The following RERG variants were observed in gnomAD, a reference collection of about 807,000 sequenced individuals.
The protein encoded by RERG is RAS like estrogen regulated growth inhibitor, also known as ras-related and estrogen-regulated growth inhibitor.
In RERG, 25 loss-of-function variants were observed where a neutral mutation model predicts 23.2. The observed-to-expected ratio is 1.08, with a 90% CI of 0.79 to 1.50. The LOEUF (loss-of-function observed/expected upper bound fraction) is 1.50. RERG is among the 40% of genes most tolerant of loss of function. The pLI is 0.00. For missense variants in RERG, 253 were observed against 250.1 expected (o/e 1.01, Z -0.08); for synonymous variants, 81 against 89.1 (o/e 0.91, Z 0.51).
At chr12:15,120,202 A>T (rs1863805710) in intron 3 of RERG, among the ~76,000 whole-genome samples, 1 of 152,206 alleles carries the variant, frequency 6.6e-6, no homozygotes, top group Non-Finnish European at 1.5e-5. Context: ...TAAGTAAACC[A>T]TAAGATCATT....
At chr12:15,149,942 A>G (rs1270357641) in intron 2 of RERG, among the ~76,000 whole-genome samples, 1 of 152,218 alleles carries the variant, frequency 6.6e-6, no homozygotes, top group Non-Finnish European at 1.5e-5. Context: ...TGGCCTTAGA[A>G]TCCTTCCTTC....
chr12:15,216,429 A>G (rs922007569), intron 2 of RERG, among the ~76,000 whole-genome samples: 1 of 152,236 alleles, frequency 6.6e-6, no homozygotes, highest in Non-Finnish European at 1.5e-5. Context: ...ATTAAACCAG[A>G]CAGCAGGTTA....
At chr12:15,134,893 G>A (rs1389672249) in intron 2 of RERG, among the ~76,000 whole-genome samples, 1 of 152,160 alleles carries the variant, frequency 6.6e-6, no homozygotes, top group Non-Finnish European at 1.5e-5. Flanking sequence ...TTACAGGCAT[G>A]AGTCACCATG....
intron 2 of RERG, among the ~76,000 whole-genome samples, chr12:15,122,306 A>G (rs1863846947): frequency 6.6e-6 from 1 of 152,210 alleles, no homozygotes. Context: ...ATACTCCTTG[A>G]AGAAATAAAA....
At chr12:15,127,793 C>G (rs1343526670) in intron 2 of RERG, among the ~76,000 whole-genome samples, 2 of 152,082 alleles carry the variant, frequency 1.3e-5, no homozygotes, top group Non-Finnish European at 2.9e-5. Flanking sequence ...TTAGCTGTAT[C>G]TTAAATAAAA....
chr12:15,146,732 G>A (rs1864339328), intron 2 of RERG, among the ~76,000 whole-genome samples: 1 of 152,214 alleles, frequency 6.6e-6, no homozygotes, highest in Admixed American at 6.5e-5. Context: ...CCCAGGCACA[G>A]AGCATGGGAC....
At chr12:15,121,324 T>A (rs1008442157) in intron 2 of RERG, among the ~76,000 whole-genome samples, 3 of 152,210 alleles carry the variant, frequency 2.0e-5, no homozygotes, top group African/African-American at 4.8e-5. Context: ...AATATTTGAA[T>A]GGGTTTATTG....
chr12:15,140,776 A>G (rs528313035), intron 2 of RERG, among the ~76,000 whole-genome samples: 1 of 152,022 alleles, frequency 6.6e-6, no homozygotes, highest in East Asian at 1.9e-4. Context: ...TAATTCTTAT[A>G]CTTGCTTCTC....
rs540559952 is a variant in RERG at position 15,146,380 on chromosome 12, ACAT to A, written c.62-25264_62-25262del. Among the ~76,000 whole-genome samples, 17 of 152,292 alleles carry A rather than the reference ACAT, an allele frequency of 1.1e-4. No homozygotes were observed. The East Asian group carries it at 3.3e-3, about 29-fold the overall frequency. On this transcript the variant is annotated intron_variant, in intron 2 of 4. Transcript: ENST00000256953. ...GGTCTGGGATAGCCATATTTTACAG[ACAT>A]CATCCCAGCATAATTTTTAATAATG...
intron 2 of RERG, among the ~76,000 whole-genome samples, chr12:15,170,760 G>A (rs895557309): frequency 1.3e-5 from 2 of 152,178 alleles, no homozygotes; most frequent in African/African-American, 4.8e-5. Context: ...TGCATATACT[G>A]TATCTCCTTC....
intron 2 of RERG, among the ~76,000 whole-genome samples, chr12:15,163,148 G>A (rs1864637955): frequency 6.6e-6 from 1 of 152,142 alleles, no homozygotes; most frequent in African/African-American, 2.4e-5. Context: ...AGTCAACAAT[G>A]CCAGAAGCAC....
At chr12:15,120,719 C>T (rs1863815770) in intron 3 of RERG, among the ~76,000 whole-genome samples, 1 of 151,892 alleles carries the variant, frequency 6.6e-6, no homozygotes, top group Non-Finnish European at 1.5e-5. Flanking sequence ...CTCAGGATAC[C>T]ATTCTATTAC....
chr12:15,176,299 T>C (rs1053911780), intron 2 of RERG, among the ~76,000 whole-genome samples: 1 of 152,188 alleles, frequency 6.6e-6, no homozygotes, highest in Non-Finnish European at 1.5e-5. Flanking sequence ...TTACAGAGTG[T>C]GACAGAAGCC....
intron 2 of RERG, among the ~76,000 whole-genome samples, chr12:15,147,831 G>A (rs1050172037): frequency 4.6e-5 from 7 of 152,142 alleles, no homozygotes; most frequent in African/African-American, 1.7e-4. Context: ...TCAAAAATAA[G>A]TCTCAGGAAT....
chr12:15,214,158 G>T (rs1865410047), intron 2 of RERG, among the ~76,000 whole-genome samples: 1 of 151,926 alleles, frequency 6.6e-6, no homozygotes, highest in African/African-American at 2.4e-5. Flanking sequence ...AATTAAAAAA[G>T]CATACCTTAA....
chr12:15,158,044 A>T (rs1284946790), intron 2 of RERG, among the ~76,000 whole-genome samples: 2 of 152,188 alleles, frequency 1.3e-5, no homozygotes, highest in Non-Finnish European at 2.9e-5. Context: ...TCTATACTTC[A>T]TAATAAATAC....
chr12:15,164,424 C>T (rs1461166385), intron 2 of RERG, among the ~76,000 whole-genome samples: 2 of 152,174 alleles, frequency 1.3e-5, no homozygotes, highest in Non-Finnish European at 2.9e-5. Flanking sequence ...CATTAATTCC[C>T]ACTTCCAAGG....
chr12:15,124,450 A>G (rs144528443), intron 2 of RERG, among the ~76,000 whole-genome samples: 1 of 152,250 alleles, frequency 6.6e-6, no homozygotes, highest in African/African-American at 2.4e-5. Flanking sequence ...TTTAAGAGTC[A>G]TATTCAAGAG....
At chr12:15,139,305 G>GT (rs1029685112) in intron 2 of RERG, among the ~76,000 whole-genome samples, 26 of 151,902 alleles carry the variant, frequency 1.7e-4, no homozygotes, top group Admixed American at 4.6e-4. Flanking sequence ...GCTACTCTAG[G>GT]TTTTTTTACC....
Sources: gnomAD v4.1 joint callset for allele counts (sites outside exome capture counted in the v4.1 genomes callset) on GRCh38, gnomAD v4.1.1 for gene constraint, MANE v1.5 for transcripts, NCBI Gene and HGNC (gene_info 2026-07-23, HGNC 2026-07-21) for gene names.